The following LRFN2 variants were observed in gnomAD, a reference collection of about 807,000 sequenced individuals.
LRFN2 encodes leucine-rich repeat and fibronectin type-III domain-containing protein 2.
In LRFN2, 18 loss-of-function variants were observed where a neutral mutation model predicts 37.3. The observed-to-expected ratio is 0.48, with a 90% confidence interval of 0.33 to 0.72. The LOEUF (loss-of-function observed/expected upper bound fraction) is 0.72. LRFN2 is among the 30% of genes least tolerant of loss of function. LRFN2 has a pLI of 0.02. For synonymous variants in LRFN2, 556 were observed against 466.6 expected, an observed-to-expected ratio of 1.19 and a Z score of -2.47; for missense variants, 1,006 against 1,060.7, an observed-to-expected ratio of 0.95 and a Z score of 0.72.
chr6:40,417,994 A>T (rs1250462987), intron 2 of LRFN2, among the ~76,000 whole-genome samples: 1 of 152,158 alleles, frequency 6.6e-6, no homozygotes, highest in African/African-American at 2.4e-5. Flanking sequence ...TCTTAATCAC[A>T]TCATGCCAGT....
chr6:40,422,685 A>G (rs2113815613), intron 2 of LRFN2, among the ~76,000 whole-genome samples: 1 of 152,306 alleles, frequency 6.6e-6, no homozygotes, highest in South Asian at 2.1e-4. Flanking sequence ...CCACCACTAC[A>G]GCATTGTCCC....
chr6:40,436,355 A>G (rs1002577057), intron 1 of LRFN2, among the ~76,000 whole-genome samples: 4 of 152,250 alleles, frequency 2.6e-5, no homozygotes, highest in South Asian at 2.1e-4. Flanking sequence ...TTGTTTACAT[A>G]TCGCATGTGG....
intron 1 of LRFN2, among the ~76,000 whole-genome samples, chr6:40,454,836 G>T (rs892833698): frequency 4.6e-5 from 7 of 152,308 alleles, no homozygotes; most frequent in African/African-American, 1.7e-4. Flanking sequence ...ACCCATATGT[G>T]AAATGCTGAG....
chr6:40,412,134 C>T (rs1041899364), intron 2 of LRFN2, among the ~76,000 whole-genome samples: 2 of 152,074 alleles, frequency 1.3e-5, no homozygotes, highest in Non-Finnish European at 2.9e-5. Flanking sequence ...TATCATGCTC[C>T]ACTGCAGCCT....
chr6:40,500,387 C>T (rs1171724509), intron 1 of LRFN2, among the ~76,000 whole-genome samples: 1 of 152,256 alleles, frequency 6.6e-6, no homozygotes. Flanking sequence ...AGATCTGCTT[C>T]CTCCCTATCA....
At chr6:40,504,284 C>G (rs60563663) in intron 1 of LRFN2, among the ~76,000 whole-genome samples, 10,488 of 152,238 alleles carry the variant, frequency 0.069, 765 homozygotes, top group African/African-American at 0.17. Flanking sequence ...AGTTACTTAA[C>G]TTCTCTGGGA....
In LRFN2 at chr6:40,432,806, C is replaced by T. The variant is rs1300496795; in HGVS notation, c.308G>A (p.Arg103His). The T allele has an allele frequency of 8.7e-6, 14 of 1,614,162 alleles. No individual in the cohort carries two copies. Among genetic ancestry groups the T allele is most frequent in the Admixed American group, 1.7e-5 (1 of 60,024 alleles). ...CCGATTGCTGTCAAGATGCAGGGAG[C>T]GGAGGCTCTCGAGGTCCAGAAAGGA... ...PFSFLDLESL[R>H]SLHLDSNRLP... The change falls in exon 2 of 3, where the codon CGC (arginine) becomes CAC (histidine). Residue 103 changes from arginine to histidine, a missense_variant. By Grantham distance (29) the Arg-to-His change is conservative. Coordinates refer to ENST00000338305, the MANE Select transcript of LRFN2 (RefSeq NM_020737.3).
chr6:40,409,204 C>T lies in LRFN2; in HGVS notation c.1401-16292G>A, dbSNP rs151241557. ...ATTTCATGGAGGGGCATTGGGGCCC[C>T]ACCTTTTCCTTCAATTATAACCATC... On this transcript the variant is annotated intron_variant, in intron 2 of 2. Transcript: ENST00000338305. Among the ~76,000 whole-genome samples, 1,053 of 152,320 alleles carry T rather than the reference C, an allele frequency of 6.9e-3. 5 individuals carry two copies. Among genetic ancestry groups the T allele is most frequent in the Admixed American group, 0.012 (190 of 15,294 alleles).
In LRFN2 at chr6:40,432,301, G is replaced by A; in HGVS notation, c.813C>T (p.Leu271=). The change falls in exon 2 of 3, where the codon CTC becomes CTT. Residue 271 remains leucine, a synonymous_variant. Coordinates refer to ENST00000338305, the MANE Select transcript of LRFN2 (RefSeq NM_020737.3). ...DLETCGSPGG[L]KGRYFWHVRE... is the part of the protein sequence containing the mutation. Reference sequence around the variant, plus strand: ...GCACATGCCAGAAGTAGCGACCCTTGAGGCCCCCTGGGGAGCCACAGGTTT... The same window carrying A: ...GCACATGCCAGAAGTAGCGACCCTTAAGGCCCCCTGGGGAGCCACAGGTTT... 2 of 1,614,092 alleles carry A rather than the reference G, an allele frequency of 1.2e-6. No homozygotes were observed. Among genetic ancestry groups the A allele is most frequent in the Non-Finnish European group, 1.7e-6 (2 of 1,180,036 alleles).
At chr6:40,395,787 G>A (rs1375768876) in intron 2 of LRFN2, among the ~76,000 whole-genome samples, 1 of 152,242 alleles carries the variant, frequency 6.6e-6, no homozygotes, top group Non-Finnish European at 1.5e-5. Flanking sequence ...TAACATGGCA[G>A]AGCTGGGATT....
intron 2 of LRFN2, among the ~76,000 whole-genome samples, chr6:40,399,426 C>CTTTTTTTTTTTT (rs61458320): frequency 3.0e-5 from 4 of 134,358 alleles, no homozygotes; most frequent in Admixed American, 8.1e-5. Context: ...TTTTTCTTTT[C>CTTTTTTTTTTTT]TTTTTTTTTT....
intron 1 of LRFN2, among the ~76,000 whole-genome samples, chr6:40,518,977 G>A (rs1340864): frequency 0.48 from 72,388 of 151,830 alleles, 17,629 homozygotes; most frequent in Middle Eastern, 0.6. Context: ...TTCAGTGGGG[G>A]CTGAACTGAG....
intron 1 of LRFN2, among the ~76,000 whole-genome samples, chr6:40,482,461 C>G (rs1468064196): frequency 6.6e-6 from 1 of 152,216 alleles, no homozygotes; most frequent in Non-Finnish European, 1.5e-5. Flanking sequence ...AATCCTGTCC[C>G]TGACACACCC....
At chr6:40,538,663 C>T (rs1031322396) in intron 1 of LRFN2, among the ~76,000 whole-genome samples, 4 of 152,228 alleles carry the variant, frequency 2.6e-5, no homozygotes, top group African/African-American at 4.8e-5. Context: ...CGGGGCTATC[C>T]CCATTCCCAG....
At chr6:40,564,937 T>C (rs926422343) in intron 1 of LRFN2, among the ~76,000 whole-genome samples, 2 of 152,152 alleles carry the variant, frequency 1.3e-5, no homozygotes, top group African/African-American at 2.4e-5. Flanking sequence ...TCCACCTGTG[T>C]AATGGAGTCA....
At chr6:40,552,072 T>C (rs1260317712) in intron 1 of LRFN2, among the ~76,000 whole-genome samples, 1 of 152,208 alleles carries the variant, frequency 6.6e-6, no homozygotes, top group African/African-American at 2.4e-5. Context: ...CCAGGGGCTA[T>C]GTCTTTTTGT....
chr6:40,567,247 C>T (rs1767106596), intron 1 of LRFN2, among the ~76,000 whole-genome samples: 1 of 152,178 alleles, frequency 6.6e-6, no homozygotes, highest in African/African-American at 2.4e-5. Context: ...CCAAGGTCCT[C>T]TTCCCTGGAT....
intron 1 of LRFN2, among the ~76,000 whole-genome samples, chr6:40,507,564 G>C (rs530358014): frequency 1.3e-5 from 2 of 152,210 alleles, no homozygotes; most frequent in African/African-American, 4.8e-5. Context: ...CAGTGCCAAA[G>C]GGCCTTCTTT....
At chr6:40,502,076 C>T (rs1765397030) in intron 1 of LRFN2, among the ~76,000 whole-genome samples, 1 of 152,164 alleles carries the variant, frequency 6.6e-6, no homozygotes, top group Admixed American at 6.5e-5. Flanking sequence ...GTAAAAATAA[C>T]TACCTTTCCA....
Sources: allele counts gnomAD v4.1 joint callset (sites outside exome capture counted in the v4.1 genomes callset), GRCh38; gene constraint gnomAD v4.1.1; transcripts MANE v1.5; gene names NCBI Gene and HGNC (gene_info 2026-07-23, HGNC 2026-07-21).